ABCA13: variants seen among roughly 807,000 people sequenced by gnomAD.
ABCA13 encodes the protein ATP binding cassette subfamily A member 13.
A neutral mutation model predicts 478.7 loss-of-function variants in ABCA13; 476 were observed. That is an observed-to-expected ratio of 0.99 (90% CI 0.92 to 1.07). The LOEUF (loss-of-function observed/expected upper bound fraction) is 1.07. Ranked by LOEUF, ABCA13 falls within the 50% of genes least tolerant of loss-of-function variation. ABCA13 has a pLI of 0.00. For missense variants in ABCA13, 6,060 were observed against 5,910.6 expected (o/e 1.03, Z -0.83); for synonymous variants, 2,252 against 2,158.9 (o/e 1.04, Z -1.20).
intron 35 of ABCA13, among the ~76,000 whole-genome samples, chr7:48,382,553 G>T (rs1260358585): frequency 6.6e-6 from 1 of 152,144 alleles, no homozygotes; most frequent in African/African-American, 2.4e-5. Context: ...TAATTTGGGG[G>T]ACATATTCAT....
chr7:48,374,296 G>C, intron 33 of ABCA13, 51 bp from the exon 34 acceptor site: 2 of 1,525,766 alleles, frequency 1.3e-6, no homozygotes, highest in East Asian at 4.7e-5. Flanking sequence ...ATTTTCTGTG[G>C]TCCCAATCAA....
At chr7:48,328,781 A>G (rs989565641) in intron 27 of ABCA13, among the ~76,000 whole-genome samples, 1 of 152,206 alleles carries the variant, frequency 6.6e-6, no homozygotes. Context: ...AAATGAAAAG[A>G]TGCTCAAACT....
chr7:48,275,457 T>C lies in ABCA13; in HGVS notation c.5791T>C (p.Ser1931Pro), dbSNP rs1457801884. 1.2e-5 allele frequency: 20 copies of C among 1,613,790 alleles called. No homozygotes were observed. The highest frequency in any genetic ancestry group is 1.7e-5 in the Non-Finnish European group (20 of 1,179,858). The change falls in exon 17 of 62, where the codon TCA (serine) becomes CCA (proline). Residue 1931 changes from serine to proline, a missense_variant. Physicochemically the swap from Ser to Pro is moderately conservative, Grantham distance 74. Transcript: ENST00000435803. ...WHKILPFVPPSINQTRDSISE... is the reference protein window; with the variant it reads ...WHKILPFVPPPINQTRDSISE... ...TAAGATATTACCGTTTGTCCCACCT[T>C]CAATAAATCAAACTAGGGATAGCAT...
In ABCA13 at chr7:48,187,152, T is replaced by A. The variant is rs962135941; in HGVS notation, c.70-5807T>A. ...CCATTTAGCTGTGTGTCATTTTTTT[T>A]AATCCTACTTTTTTTCTCTTAGAAC... On this transcript the variant is annotated intron_variant, in intron 1 of 61. Transcript: ENST00000435803. Among the ~76,000 whole-genome samples, 3 of 150,958 alleles carry A rather than the reference T, an allele frequency of 2.0e-5. No individual in the cohort carries two copies. In the South Asian group the frequency reaches 6.2e-4, roughly 31 times the overall value.
chr7:48,429,100 C>T lies in ABCA13; in HGVS notation c.12565+1229C>T, dbSNP rs1444689886. On this transcript the variant is annotated intron_variant, in intron 42 of 61. Coordinates refer to ENST00000435803, the MANE Select transcript of ABCA13 (RefSeq NM_152701.5). ...CAGCACAATGTTTTTGAGGTTCATC[C>T]ATGTTACAGCGTGCCAGTACTCAAC... 3.3e-5 allele frequency among the ~76,000 whole-genome samples: 5 copies of T among 152,150 alleles called. No individual in the cohort carries two copies. In the East Asian group the frequency reaches 9.6e-4, roughly 29 times the overall value.
chr7:48,599,514 A>G (rs983650821), intron 58 of ABCA13, among the ~76,000 whole-genome samples: 8 of 152,166 alleles, frequency 5.3e-5, no homozygotes, highest in Non-Finnish European at 1.2e-4. Flanking sequence ...ATGTATTTCC[A>G]GTCTATGGCT....
rs1365666754 is a variant in ABCA13 at position 48,176,487 on chromosome 7, C to T, written c.69+4935C>T. On this transcript the variant is annotated intron_variant, in intron 1 of 61. Coordinates refer to ENST00000435803, the MANE Select transcript of ABCA13 (RefSeq NM_152701.5). ...CAGCGACAGATATCCAGATGTCTAC[C>T]ATACATAAAGCACCGCATTCTTGAT... 2.0e-5 allele frequency among the ~76,000 whole-genome samples: 3 copies of T among 152,140 alleles called. No homozygotes were observed. In the East Asian group the frequency reaches 5.8e-4, roughly 29 times the overall value.
At chr7:48,371,059 T>C (rs764876600) in intron 32 of ABCA13, among the ~76,000 whole-genome samples, 1 of 152,198 alleles carries the variant, frequency 6.6e-6, no homozygotes, top group Non-Finnish European at 1.5e-5. Context: ...TGCTTATTTT[T>C]GTCAGGTTTG....
intron 52 of ABCA13, among the ~76,000 whole-genome samples, chr7:48,519,059 G>A (rs926886822): frequency 6.6e-6 from 1 of 151,652 alleles, no homozygotes; most frequent in South Asian, 2.1e-4. Context: ...GTGGGAATAT[G>A]CAGTGTTTGG....
chr7:48,548,542 T>C (rs66956570), intron 55 of ABCA13, among the ~76,000 whole-genome samples: 2 of 149,590 alleles, frequency 1.3e-5, no homozygotes, highest in Non-Finnish European at 3.0e-5. Flanking sequence ...CACCAGCATG[T>C]AACACATTTT....
chr7:48,433,361 AT>A (rs1371268382), intron 42 of ABCA13, among the ~76,000 whole-genome samples: 2 of 151,134 alleles, frequency 1.3e-5, no homozygotes, highest in Non-Finnish European at 3.0e-5. Context: ...CTCAAAAAAT[AT>A]TTTTTTCATC....
intron 20 of ABCA13, among the ~76,000 whole-genome samples, chr7:48,288,968 C>G (rs1798139386): frequency 6.6e-6 from 1 of 152,186 alleles, no homozygotes; most frequent in Non-Finnish European, 1.5e-5. Context: ...TGTCTCTCTT[C>G]TAGTTCTGGT....
chr7:48,224,645 G>A (rs145243481), intron 5 of ABCA13, among the ~76,000 whole-genome samples: 6 of 152,040 alleles, frequency 3.9e-5, no homozygotes, highest in Non-Finnish European at 8.8e-5. Context: ...CTAATTGTTG[G>A]ATTTAAAAAA....
At chr7:48,517,160 T>A (rs566435722) in intron 52 of ABCA13, among the ~76,000 whole-genome samples, 1 of 152,340 alleles carries the variant, frequency 6.6e-6, no homozygotes, top group Admixed American at 6.5e-5. Flanking sequence ...CACTGCCGCA[T>A]CCCTAGCATT....
At chr7:48,640,447 A>G (rs943157510) in intron 59 of ABCA13, among the ~76,000 whole-genome samples, 2 of 152,200 alleles carry the variant, frequency 1.3e-5, no homozygotes, top group African/African-American at 4.8e-5. Flanking sequence ...TTAATATATT[A>G]CATTTAATGT....
intron 55 of ABCA13, among the ~76,000 whole-genome samples, chr7:48,559,791 G>T (rs921231155): frequency 4.6e-5 from 7 of 152,140 alleles, no homozygotes; most frequent in Non-Finnish European, 1.0e-4. Flanking sequence ...AAGGCAGCGG[G>T]TTCCCTTCTG....
In ABCA13 at chr7:48,517,313, C is replaced by T. The variant is rs149797117; in HGVS notation, c.13797+432C>T. ...CACACAACACAGCTGACCATGCTCTCGGGGCACAGCATGTCTGAATGATGA... is the reference window on the plus strand; with the variant it reads ...CACACAACACAGCTGACCATGCTCTTGGGGCACAGCATGTCTGAATGATGA... On this transcript the variant is annotated intron_variant, in intron 52 of 61. Transcript: ENST00000435803. Among the ~76,000 whole-genome samples, 190 of 152,240 alleles carry T rather than the reference C, an allele frequency of 1.2e-3. 2 individuals are homozygous for T. Among genetic ancestry groups the T allele is most frequent in the African/African-American group, 4.4e-3 (183 of 41,554 alleles).
chr7:48,372,902 G>A (rs538117327), intron 33 of ABCA13, among the ~76,000 whole-genome samples: 116 of 152,254 alleles, frequency 7.6e-4, no homozygotes, highest in African/African-American at 2.6e-3. Flanking sequence ...CTCTCTGTTA[G>A]CAATGTCAGA....
At chr7:48,369,515 A>G (rs922941649) in intron 32 of ABCA13, among the ~76,000 whole-genome samples, 3 of 152,112 alleles carry the variant, frequency 2.0e-5, no homozygotes, top group South Asian at 2.1e-4. Context: ...TAGACTCGTT[A>G]TGGTCTCAGG....
Sources: allele counts gnomAD v4.1 joint callset (sites outside exome capture counted in the v4.1 genomes callset), GRCh38; gene constraint gnomAD v4.1.1; transcripts MANE v1.5; gene names NCBI Gene and HGNC (gene_info 2026-07-23, HGNC 2026-07-21).